IL1RAPL1: variants seen among roughly 807,000 people sequenced by gnomAD.
IL1RAPL1 encodes the protein interleukin 1 receptor accessory protein like 1.
Under a neutral mutation model 48.4 loss-of-function variants are expected in IL1RAPL1, and 3 were observed. That is an observed-to-expected ratio of 0.06 (90% CI 0.03 to 0.16). The LOEUF (loss-of-function observed/expected upper bound fraction) is 0.16, where lower values mean the gene tolerates loss of function less well. IL1RAPL1 is among the 10% of genes least tolerant of loss of function. The pLI is 1.00. For missense variants in IL1RAPL1, 349 were observed against 530.6 expected (o/e 0.66, Z 3.36); for synonymous variants, 185 against 187.7 (o/e 0.99, Z 0.12).
At chrX:29,800,039 A>G (rs1929838149) in intron 6 of IL1RAPL1, among the ~76,000 whole-genome samples, 1 of 111,914 alleles carries the variant, frequency 8.9e-6, no homozygotes, top group Non-Finnish European at 1.9e-5. Context: ...TCCCCACAGC[A>G]CAAAGAAATA....
At chrX:29,122,389 T>C (rs1355043959) in intron 2 of IL1RAPL1, among the ~76,000 whole-genome samples, 1 of 94,983 alleles carries the variant, frequency 1.1e-5, no homozygotes, top group African/African-American at 4.3e-5. Flanking sequence ...TACATCTCTC[T>C]CTCTCTTTCT....
chrX:29,102,738 C>T (rs1431552823), intron 2 of IL1RAPL1, among the ~76,000 whole-genome samples: 1 of 110,153 alleles, frequency 9.1e-6, no homozygotes, highest in Non-Finnish European at 1.9e-5. Context: ...ACACTAACGA[C>T]TCCACAAAAA....
At chrX:29,006,431 C>A (rs1925978986) in intron 2 of IL1RAPL1, among the ~76,000 whole-genome samples, 1 of 108,266 alleles carries the variant, frequency 9.2e-6, no homozygotes, top group African/African-American at 3.4e-5. Flanking sequence ...GGAGAATCAC[C>A]TGAACCTGTA....
At chrX:29,789,957 C>T (rs751867066) in intron 6 of IL1RAPL1, among the ~76,000 whole-genome samples, 4 of 110,170 alleles carry the variant, frequency 3.6e-5, no homozygotes, top group Admixed American at 9.7e-5. Context: ...AAAGAAAGAT[C>T]GTTAGTCACT....
chrX:28,899,280 G>T (rs920556501), intron 2 of IL1RAPL1, among the ~76,000 whole-genome samples: 1 of 111,266 alleles, frequency 9.0e-6, no homozygotes, highest in Non-Finnish European at 1.9e-5. Flanking sequence ...AATTCAAGAT[G>T]ATATTTGGCT....
chrX:29,934,691 T>TAC (rs765103406), intron 8 of IL1RAPL1, among the ~76,000 whole-genome samples: 193 of 110,247 alleles, frequency 1.8e-3, no homozygotes, highest in African/African-American at 6.0e-3. Context: ...GCACTACATA[T>TAC]ACACACACAC....
At position 29,283,011 on chromosome X, in the gene IL1RAPL1, A is replaced by G; in HGVS notation, c.156A>G (p.Lys52=). The G allele has an allele frequency of 8.3e-7, 1 of 1,210,776 alleles. No individual in the cohort carries two copies. Among genetic ancestry groups the G allele is most frequent in the African/African-American group, 1.7e-5 (1 of 57,797 alleles). Residue 52 remains lysine, a synonymous_variant, in exon 3 of 11, where the codon AAA becomes AAG. Coordinates refer to ENST00000378993, the MANE Select transcript of IL1RAPL1 (RefSeq NM_014271.4). ...TGGTGGGAGAGCCTGTTCGAATCAA[A>G]TGTGCACTCTTTTATGGTTATATCA... ...QVLVGEPVRI[K]CALFYGYIRT...
intron 2 of IL1RAPL1, among the ~76,000 whole-genome samples, chrX:29,102,871 C>T (rs777846286): frequency 1.8e-5 from 2 of 110,783 alleles, no homozygotes; most frequent in African/African-American, 6.6e-5. Flanking sequence ...AAAGTAATCC[C>T]ATTTACAATA....
chrX:28,615,650 A>G (rs1235320082), intron 1 of IL1RAPL1, among the ~76,000 whole-genome samples: 2 of 111,186 alleles, frequency 1.8e-5, no homozygotes, highest in African/African-American at 6.6e-5. Context: ...AAGGTCAGAC[A>G]CTGCGTGTAG....
chrX:28,949,591 C>A (rs1027776932), intron 2 of IL1RAPL1, among the ~76,000 whole-genome samples: 10 of 111,531 alleles, frequency 9.0e-5, no homozygotes, highest in Non-Finnish European at 1.9e-4. Context: ...CACATCCTCT[C>A]CAGCACCTGT....
intron 5 of IL1RAPL1, among the ~76,000 whole-genome samples, chrX:29,522,575 CA>C (rs1267643861): frequency 1.8e-5 from 2 of 111,916 alleles, no homozygotes; most frequent in Non-Finnish European, 3.8e-5. Flanking sequence ...TGGAGACCCT[CA>C]GAGCATTTTT....
chrX:29,550,008 G>A (rs781308024), intron 5 of IL1RAPL1, among the ~76,000 whole-genome samples: 1 of 111,242 alleles, frequency 9.0e-6, no homozygotes, highest in East Asian at 2.8e-4. Context: ...TAAAGAGTGG[G>A]AGAAATTCCA....
chrX:29,789,113 G>A (rs372563544), intron 6 of IL1RAPL1, among the ~76,000 whole-genome samples: 3 of 112,136 alleles, frequency 2.7e-5, no homozygotes, highest in South Asian at 3.7e-4. Flanking sequence ...CGCATTGTTC[G>A]TTTTTTAAGA....
chrX:29,430,246 C>A (rs1275442332), intron 5 of IL1RAPL1, among the ~76,000 whole-genome samples: 5 of 111,213 alleles, frequency 4.5e-5, no homozygotes. Context: ...CTACCCATAT[C>A]CCCATACCTT....
At chrX:28,807,391 T>G (rs1488022496) in intron 2 of IL1RAPL1, among the ~76,000 whole-genome samples, 1 of 111,772 alleles carries the variant, frequency 8.9e-6, no homozygotes, top group Non-Finnish European at 1.9e-5. Context: ...AGGTACAGAA[T>G]AGTATTTATC....
At chrX:29,773,614 C>T (rs571737227) in intron 6 of IL1RAPL1, among the ~76,000 whole-genome samples, 3 of 112,223 alleles carry the variant, frequency 2.7e-5, no homozygotes, top group African/African-American at 9.7e-5. Flanking sequence ...CCTTGGACAT[C>T]AGTGCTTTTC....
chrX:28,654,772 C>A (rs755086626), intron 1 of IL1RAPL1, among the ~76,000 whole-genome samples: 1 of 112,077 alleles, frequency 8.9e-6, no homozygotes, highest in Admixed American at 9.5e-5. Flanking sequence ...ATCCTTTAAA[C>A]ATTTTCTGTA....
At chrX:28,715,134 C>T (rs1004851795) in intron 1 of IL1RAPL1, among the ~76,000 whole-genome samples, 1 of 112,155 alleles carries the variant, frequency 8.9e-6, no homozygotes, top group Non-Finnish European at 1.9e-5. Context: ...TAAAATTGAT[C>T]GTATAATCAG....
intron 2 of IL1RAPL1, among the ~76,000 whole-genome samples, chrX:29,222,915 T>G (rs1196193059): frequency 9.0e-6 from 1 of 111,631 alleles, no homozygotes; most frequent in Non-Finnish European, 1.9e-5. Context: ...TCCTATGGTT[T>G]CTGGTCACAA....
Sources: gnomAD v4.1 joint callset for allele counts (sites outside exome capture counted in the v4.1 genomes callset) on GRCh38, gnomAD v4.1.1 for gene constraint, MANE v1.5 for transcripts, NCBI Gene and HGNC (gene_info 2026-07-23, HGNC 2026-07-21) for gene names.